Variants in BICRAL observed in about 807,000 individuals in gnomAD.
The protein encoded by BICRAL is BRD4-interacting chromatin-remodeling complex-associated protein-like.
BICRAL carries 8 observed loss-of-function variants against 91.8 expected under a neutral mutation model. The observed-to-expected ratio is 0.09, with a 90% confidence interval of 0.05 to 0.16. BICRAL has a LOEUF of 0.16. BICRAL is among the 10% of genes least tolerant of loss of function. The pLI is 1.00. For synonymous variants in BICRAL, 445 were observed against 491.1 expected (o/e 0.91, Z 1.24); for missense variants, 1,038 against 1,310.9 (o/e 0.79, Z 3.21).
At chr6:42,747,885 C>G (rs1030413129) in intron 1 of BICRAL, among the ~76,000 whole-genome samples, 3 of 150,182 alleles carry the variant, frequency 2.0e-5, no homozygotes, top group African/African-American at 7.3e-5. Context: ...CGGCTCACCG[C>G]TATCCGCCTC....
chr6:42,851,894 T>C (rs1235487755), intron 6 of BICRAL, among the ~76,000 whole-genome samples, 198 bp from the exon 7 acceptor site: 1 of 152,180 alleles, frequency 6.6e-6, no homozygotes, highest in Non-Finnish European at 1.5e-5. Flanking sequence ...GAAAATTCAG[T>C]GTGCCTGCAG....
chr6:42,803,977 AG>A (rs749397354), intron 1 of BICRAL, among the ~76,000 whole-genome samples: 3 of 152,192 alleles, frequency 2.0e-5, no homozygotes, highest in Non-Finnish European at 4.4e-5. Context: ...CACACAGAAA[AG>A]AAACACTAAC....
intron 1 of BICRAL, among the ~76,000 whole-genome samples, chr6:42,807,479 G>A (rs984755567): frequency 1.3e-5 from 2 of 151,664 alleles, no homozygotes; most frequent in Non-Finnish European, 2.9e-5. Context: ...TACCACACCC[G>A]GCCTTCATAT....
In BICRAL at chr6:42,864,641, T is replaced by C. The variant is rs1765652998; in HGVS notation, c.2453-18T>C. 3.1e-6 allele frequency: 5 copies of C among 1,604,948 alleles called. No individual in the cohort carries two copies. In the South Asian group the frequency reaches 5.6e-5, roughly 18 times the overall value. On this transcript the variant is annotated intron_variant, in intron 12 of 12. Transcript: ENST00000314073. ...TCTCCCAATCACTCACTAATGTTCTTTTTGTTCCCATTTCCAGAGGGTTTT... is the reference window on the plus strand; with the variant it reads ...TCTCCCAATCACTCACTAATGTTCTCTTTGTTCCCATTTCCAGAGGGTTTT...
At chr6:42,768,386 C>T (rs1435444943) in intron 1 of BICRAL, among the ~76,000 whole-genome samples, 1 of 152,172 alleles carries the variant, frequency 6.6e-6, no homozygotes, top group Admixed American at 6.5e-5. Flanking sequence ...GTAGTTTTTA[C>T]ATAGCAGTAA....
chr6:42,861,566 T>C (rs1765556471), intron 11 of BICRAL, among the ~76,000 whole-genome samples: 1 of 152,246 alleles, frequency 6.6e-6, no homozygotes, highest in Non-Finnish European at 1.5e-5. Context: ...TGGTCTCTTA[T>C]AACTCATTTT....
chr6:42,855,708 T>G, intron 8 of BICRAL, 148 bp from the exon 9 acceptor site: 1 of 613,332 alleles, frequency 1.6e-6, no homozygotes, highest in South Asian at 2.1e-5. Flanking sequence ...TGGTTTTTTT[T>G]TTTTTATTTT....
chr6:42,788,066 T>C (rs903090406), intron 1 of BICRAL, among the ~76,000 whole-genome samples: 7 of 151,166 alleles, frequency 4.6e-5, no homozygotes, highest in African/African-American at 1.7e-4. Context: ...CCCAACTAAT[T>C]AAAAAAAAAT....
At chr6:42,855,571 A>ATGG (rs111576613) in intron 8 of BICRAL, among the ~76,000 whole-genome samples, 3 of 151,846 alleles carry the variant, frequency 2.0e-5, no homozygotes, top group African/African-American at 7.3e-5. Context: ...GATGATGATG[A>ATGG]TGGTGCATTT....
chr6:42,857,099 A>G lies in BICRAL; in HGVS notation c.2117A>G (p.Gln706Arg). ...KQLTKGAFIL[Q>R]QLQRDQAHTV... ...CCATTTCCCTTGTAAAGCATTCTCC[A>G]GCAGTTGCAGAGGGACCAAGCCCAC... Residue 706 changes from glutamine (Q) to arginine (R), a missense_variant, in exon 10 of 13, where the codon CAG becomes CGG. Coordinates refer to ENST00000314073, the MANE Select transcript of BICRAL (RefSeq NM_001393499.1). The G allele has an allele frequency of 1.2e-6, 2 of 1,612,184 alleles. No homozygotes were observed. The highest frequency in any genetic ancestry group is 8.5e-7 in the Non-Finnish European group (1 of 1,178,926).
intron 2 of BICRAL, among the ~76,000 whole-genome samples, chr6:42,817,574 C>T (rs1764028134): frequency 1.3e-5 from 2 of 151,570 alleles, no homozygotes; most frequent in Non-Finnish European, 2.9e-5. Flanking sequence ...CTCCTACGCT[C>T]AAGCAAACAA....
intron 6 of BICRAL, among the ~76,000 whole-genome samples, chr6:42,833,029 A>G (rs1023332782): frequency 2.0e-5 from 3 of 149,928 alleles, no homozygotes; most frequent in Non-Finnish European, 4.4e-5. Context: ...TAGAGATGGG[A>G]TCTTGCTATG....
chr6:42,797,413 C>A (rs1763444947), intron 1 of BICRAL, among the ~76,000 whole-genome samples: 2 of 151,654 alleles, frequency 1.3e-5, no homozygotes, highest in South Asian at 4.2e-4. Context: ...GGTTTTCAAG[C>A]AAGGAGTGAT....
At chr6:42,773,613 C>G (rs1369995841) in intron 1 of BICRAL, among the ~76,000 whole-genome samples, 2 of 152,196 alleles carry the variant, frequency 1.3e-5, no homozygotes, top group African/African-American at 4.8e-5. Flanking sequence ...CTCCTGGGTT[C>G]AAGCGATTCT....
intron 1 of BICRAL, among the ~76,000 whole-genome samples, chr6:42,787,788 G>A (rs1008827684): frequency 3.9e-5 from 6 of 152,172 alleles, no homozygotes; most frequent in Non-Finnish European, 8.8e-5. Flanking sequence ...AATAGGAAGT[G>A]AGGTGAATAT....
At chr6:42,759,907 A>G (rs1762519906) in intron 1 of BICRAL, among the ~76,000 whole-genome samples, 1 of 152,148 alleles carries the variant, frequency 6.6e-6, no homozygotes, top group Non-Finnish European at 1.5e-5. Context: ...TGTCCCTCAC[A>G]CAGCACCTGG....
intron 1 of BICRAL, among the ~76,000 whole-genome samples, chr6:42,757,567 A>G (rs889948553): frequency 6.6e-6 from 1 of 151,896 alleles, no homozygotes; most frequent in Non-Finnish European, 1.5e-5. Context: ...TTGTATTTTT[A>G]GTAGAGATGG....
chr6:42,771,552 A>G (rs1742218826), intron 1 of BICRAL, among the ~76,000 whole-genome samples: 1 of 151,736 alleles, frequency 6.6e-6, no homozygotes, highest in Non-Finnish European at 1.5e-5. Flanking sequence ...GAGGTTTTTG[A>G]CTATTTGCTT....
At chr6:42,784,906 T>TA (rs1467267585) in intron 1 of BICRAL, among the ~76,000 whole-genome samples, 4 of 152,184 alleles carry the variant, frequency 2.6e-5, no homozygotes, top group Non-Finnish European at 5.9e-5. Flanking sequence ...AAAGATCTAG[T>TA]ATTCCAAAGC....
Sources: gnomAD v4.1 joint callset for allele counts (sites outside exome capture counted in the v4.1 genomes callset) on GRCh38, gnomAD v4.1.1 for gene constraint, MANE v1.5 for transcripts, NCBI Gene and HGNC (gene_info 2026-07-23, HGNC 2026-07-21) for gene names.